PRDM2: variants seen among roughly 807,000 people sequenced by gnomAD.
The protein encoded by PRDM2 is PR/SET domain 2, also known as PR domain zinc finger protein 2.
Under a neutral mutation model 130.0 loss-of-function variants are expected in PRDM2, and 30 were observed. The ratio of observed to expected loss-of-function variants is 0.23; its 90% confidence interval spans 0.17 to 0.31. The LOEUF (loss-of-function observed/expected upper bound fraction) is 0.31. PRDM2 is among the 10% of genes least tolerant of loss of function. PRDM2 has a pLI of 1.00. For missense variants in PRDM2, 2,011 were observed against 2,108.4 expected (o/e 0.95, Z 0.90); for synonymous variants, 871 against 782.4 (o/e 1.11, Z -1.89).
chr1:13,716,334 A>G, intron 2 of PRDM2, among the ~76,000 whole-genome samples: 2 of 151,126 alleles, frequency 1.3e-5, no homozygotes, highest in African/African-American at 4.9e-5. Flanking sequence ...TAGCATTGGG[A>G]GATATACCTA....
At chr1:13,767,729 C>T (rs768672161) in intron 6 of PRDM2, among the ~76,000 whole-genome samples, 6 of 152,130 alleles carry the variant, frequency 3.9e-5, no homozygotes, top group Non-Finnish European at 8.8e-5. Flanking sequence ...AATCCCAGCA[C>T]TTTTGAGAGG....
intron 9 of PRDM2, among the ~76,000 whole-genome samples, chr1:13,822,243 G>T (rs752822643): frequency 4.6e-5 from 7 of 152,008 alleles, no homozygotes; most frequent in Non-Finnish European, 8.8e-5. Context: ...CAGCATTTCC[G>T]CTCAGCACAA....
chr1:13,735,852 C>A (rs932027389), intron 4 of PRDM2, among the ~76,000 whole-genome samples: 1 of 152,114 alleles, frequency 6.6e-6, no homozygotes, highest in African/African-American at 2.4e-5. Context: ...AAAATATATA[C>A]AAGAACATAA....
intron 6 of PRDM2, among the ~76,000 whole-genome samples, chr1:13,758,169 C>T (rs1380058252): frequency 6.6e-6 from 1 of 151,980 alleles, no homozygotes; most frequent in Non-Finnish European, 1.5e-5. Context: ...CGTAGCCAGG[C>T]GCGGTGGCTC....
intron 5 of PRDM2, among the ~76,000 whole-genome samples, chr1:13,746,826 G>A (rs974704708): frequency 1.3e-5 from 2 of 152,280 alleles, no homozygotes; most frequent in Middle Eastern, 3.4e-3. Context: ...CAAAGTTCTG[G>A]GATTGCAGCC....
rs890223493 is a variant in PRDM2 at position 13,786,611 on chromosome 1, C to T, written c.5036+3780C>T. The T allele has an allele frequency of 9.5e-6, 15 of 1,585,270 alleles. No individual in the cohort carries two copies. The African/African-American group carries it at 1.1e-4, about 11-fold the overall frequency. ...AGGATAAGCACTACGGCAAAGGATA[C>T]GAAATCTACCAAGCTTGCAAGACCA... On this transcript the variant is annotated intron_variant, in intron 8 of 9. Coordinates refer to ENST00000311066, the MANE Select transcript of PRDM2 (RefSeq NM_001393986.1).
rs774488246 is a variant in PRDM2, at chr1:13,779,711, G to A, written c.1916G>A (p.Arg639Gln). ...AGCACAAATAGTGAGGCCAAGAAGC[G>A]GAGAACTGCGAGCCCACCTGCACTG... is the stretch of plus-strand genomic sequence containing the variant. Reference protein sequence around the residue: ...LGSTNSEAKKRRTASPPALPK... With the variant: ...LGSTNSEAKKQRTASPPALPK... The change falls in exon 8 of 10, where the codon CGG (arginine) becomes CAG (glutamine). Residue 639 changes from arginine (R) to glutamine (Q), a missense_variant. Physicochemically the swap from Arg to Gln is conservative, Grantham distance 43. Around this residue, in one of 5 missense-constraint regions of PRDM2, gnomAD observed 1,288 missense variants for 1,237.7 expected, o/e 1.04. Coordinates refer to ENST00000311066, the MANE Select transcript of PRDM2 (RefSeq NM_001393986.1). The surrounding 1 kb of genome is among the most constrained non-coding windows in gnomAD (Gnocchi z 4.9). 6 of 1,614,048 alleles carry A rather than the reference G, an allele frequency of 3.7e-6. No individual in the cohort carries two copies. Among genetic ancestry groups the A allele is most frequent in the East Asian group, 2.2e-5 (1 of 44,874 alleles).
At chr1:13,757,524 G>A (rs1001611115) in intron 6 of PRDM2, among the ~76,000 whole-genome samples, 8 of 152,178 alleles carry the variant, frequency 5.3e-5, no homozygotes, top group Admixed American at 3.3e-4. Context: ...TTGAGACTGG[G>A]TTAACAGTCT....
At chr1:13,704,662 T>C (rs1309611489) in intron 1 of PRDM2, among the ~76,000 whole-genome samples, 1 of 152,180 alleles carries the variant, frequency 6.6e-6, no homozygotes, top group Non-Finnish European at 1.5e-5. Context: ...ACCCACACAT[T>C]TTATATGTGC....
chr1:13,822,931 C>T (rs751945684), intron 9 of PRDM2, among the ~76,000 whole-genome samples: 4 of 152,074 alleles, frequency 2.6e-5, no homozygotes, highest in Non-Finnish European at 4.4e-5. Context: ...AAAGGGGTCA[C>T]GGGTCAGGGG....
intron 8 of PRDM2, chr1:13,783,102 C>A: frequency 1.4e-6 from 1 of 703,384 alleles, no homozygotes; most frequent in East Asian, 3.7e-5. Context: ...GAAAAGCTCT[C>A]AAAAGTACTC....
intron 1 of PRDM2, among the ~76,000 whole-genome samples, chr1:13,701,452 G>A (rs530792138): frequency 6.6e-6 from 1 of 152,048 alleles, no homozygotes; most frequent in Non-Finnish European, 1.5e-5. Flanking sequence ...TTAGAAAAAT[G>A]TAGGCCTTTT....
intron 1 of PRDM2, among the ~76,000 whole-genome samples, chr1:13,703,845 C>G (rs1569645097): frequency 6.6e-6 from 1 of 152,206 alleles, no homozygotes; most frequent in Admixed American, 6.5e-5. Flanking sequence ...TTTTCCGAAA[C>G]CTGTTTTTTT....
chr1:13,791,497 C>A (rs2100706185), intron 8 of PRDM2, among the ~76,000 whole-genome samples: 1 of 152,258 alleles, frequency 6.6e-6, no homozygotes, highest in Middle Eastern at 3.4e-3. Context: ...TCCTCAGATA[C>A]CGGCGGAGAA....
Position 13,823,559 on chromosome 1 carries a change from G to C in PRDM2, c.*424G>C. 2 of 208,210 alleles carry C rather than the reference G, an allele frequency of 9.6e-6. No homozygotes were observed. The highest frequency in any genetic ancestry group is 1.9e-5 in the Non-Finnish European group (2 of 102,906). The allele number at this position is 208,210 out of a possible 1,614,324, so 12.9% of individuals were successfully genotyped here. On this transcript the variant is annotated 3_prime_UTR_variant, in exon 10 of 10. Transcript: ENST00000311066. The stretch of plus-strand genomic sequence containing the variant: ...GGACTTTGGTTTGACCCAGGGGTCA[G>C]CCTTAGGAAGGCCTTCAGGAGGAGG...
chr1:13,736,233 C>T (rs565521866), intron 4 of PRDM2, among the ~76,000 whole-genome samples: 6 of 151,836 alleles, frequency 4.0e-5, no homozygotes, highest in Admixed American at 6.6e-5. Context: ...CTCAGCCTCC[C>T]GAGTAGCTGG....
chr1:13,789,442 TC>T (rs1401187346), intron 8 of PRDM2, among the ~76,000 whole-genome samples: 4 of 152,214 alleles, frequency 2.6e-5, no homozygotes, highest in Non-Finnish European at 4.4e-5. Flanking sequence ...AATCCTGACT[TC>T]CGTGGGGCTT....
intron 8 of PRDM2, among the ~76,000 whole-genome samples, chr1:13,807,986 C>A (rs1181148897): frequency 2.0e-5 from 3 of 152,130 alleles, no homozygotes; most frequent in Non-Finnish European, 4.4e-5. Flanking sequence ...CTTTCAAAGT[C>A]CATTAGTTTT....
chr1:13,781,278 C>T lies in PRDM2; in HGVS notation c.3483C>T (p.Pro1161=). 1 of 1,614,182 alleles carries T rather than the reference C, an allele frequency of 6.2e-7. No individual in the cohort carries two copies. Among genetic ancestry groups the T allele is most frequent in the East Asian group, 2.2e-5 (1 of 44,886 alleles). Residue 1161 remains proline (P), a synonymous_variant, in exon 8 of 10, where the codon CCC becomes CCT. Coordinates refer to ENST00000311066, the MANE Select transcript of PRDM2 (RefSeq NM_001393986.1). The surrounding 1 kb of genome is among the most constrained non-coding windows in gnomAD (Gnocchi z 6.1). ...KHLSIHAEEW[P]FKCEFCVQLF... ...TATCTATTCATGCTGAAGAATGGCC[C>T]TTCAAATGTGAATTTTGTGTGCAGC...
Sources: allele counts gnomAD v4.1 joint callset (sites outside exome capture counted in the v4.1 genomes callset), GRCh38; gene constraint gnomAD v4.1.1; regional missense constraint gnomAD v4.1.1; non-coding constraint Gnocchi (gnomAD v3.1); transcripts MANE v1.5; gene names NCBI Gene and HGNC (gene_info 2026-07-23, HGNC 2026-07-21).